Variants in TOM1 observed in about 807,000 individuals in gnomAD.
TOM1 encodes the protein target of Myb protein 1.
Under a neutral mutation model 61.3 loss-of-function variants are expected in TOM1, and 38 were observed. That is an observed-to-expected ratio of 0.62 (90% CI 0.48 to 0.81). The LOEUF is 0.81. Among genes scored for constraint, TOM1 ranks in the 40% least tolerant of loss-of-function variants. The pLI, the probability that TOM1 is intolerant of heterozygous loss-of-function variation, is 0.00. For synonymous variants in TOM1, 270 were observed against 268.8 expected, an observed-to-expected ratio of 1.00 and a Z score of -0.04; for missense variants, 591 against 659.6, an observed-to-expected ratio of 0.90 and a Z score of 1.14.
At chr22:35,299,515 A>G, upstream of TOM1, 1 of 179,102 alleles carries the variant, frequency 5.6e-6, no homozygotes, top group South Asian at 8.9e-5. Flanking sequence ...AGTCACAGTG[A>G]GGTCCCAAGG....
intron 7 of TOM1, among the ~76,000 whole-genome samples, chr22:35,328,686 G>A (rs545181950): frequency 7.9e-5 from 12 of 152,340 alleles, no homozygotes; most frequent in South Asian, 2.1e-4. Context: ...TGCTAAGGGC[G>A]ATGAGGAAAT....
At chr22:35,322,505 G>C (rs1005574316) in intron 3 of TOM1, 3 of 187,676 alleles carry the variant, frequency 1.6e-5, no homozygotes, top group African/African-American at 4.7e-5. Flanking sequence ...CCTCCTAGCC[G>C]TCAGCATGGG....
rs552063037 is a variant in TOM1, at chr22:35,313,455, T to A, written c.53-4422T>A. On this transcript the variant is annotated intron_variant, in intron 1 of 14. Transcript: ENST00000449058. ...TACTCATTCTTTCTCTTGGCCCAAG[T>A]CATAGTCATTGTAGCTCGGTTACTC... 2.0e-5 allele frequency among the ~76,000 whole-genome samples: 3 copies of A among 152,278 alleles called. No individual in the cohort carries two copies. The South Asian group carries it at 6.2e-4, about 32-fold the overall frequency.
At chr22:35,328,982 G>A (rs1257996087) in intron 7 of TOM1, among the ~76,000 whole-genome samples, 3 of 152,090 alleles carry the variant, frequency 2.0e-5, no homozygotes, top group African/African-American at 4.8e-5. Flanking sequence ...TTGAGACGGA[G>A]TCTTGCTCTG....
chr22:35,334,831 C>T (rs1236447904), intron 11 of TOM1, among the ~76,000 whole-genome samples: 5 of 134,978 alleles, frequency 3.7e-5, no homozygotes, highest in Non-Finnish European at 8.0e-5. Flanking sequence ...GTGTCTCCAC[C>T]CCCCGCCCCC....
intron 2 of TOM1, among the ~76,000 whole-genome samples, chr22:35,320,914 C>T (rs1026025864): frequency 4.2e-5 from 6 of 143,986 alleles, no homozygotes; most frequent in Non-Finnish European, 9.1e-5. Flanking sequence ...CCCAGGAGTT[C>T]CGGGCTACAG....
upstream of TOM1, chr22:35,299,299 A>T (rs1029468409): frequency 2.0e-5 from 3 of 152,314 alleles, no homozygotes; most frequent in Non-Finnish European, 4.4e-5. Context: ...TGGGCGCTAG[A>T]GGGAATTGCG....
At chr22:35,327,474 T>C in intron 7 of TOM1, 87 bp downstream of exon 7, 1 of 935,674 alleles carries the variant, frequency 1.1e-6, no homozygotes, top group Non-Finnish European at 1.7e-6. Flanking sequence ...ATGACAGTCT[T>C]CATGGCTTAC....
At chr22:35,306,181 A>T (rs138762) in intron 1 of TOM1, among the ~76,000 whole-genome samples, 78,097 of 151,874 alleles carry the variant, frequency 0.51, 22,910 homozygotes, top group Non-Finnish European at 0.65. Flanking sequence ...TATAAAGACC[A>T]TCTGTAGCTC....
At chr22:35,335,438 T>TA (rs1491452593) in intron 11 of TOM1, among the ~76,000 whole-genome samples, 1 of 152,190 alleles carries the variant, frequency 6.6e-6, no homozygotes, top group Non-Finnish European at 1.5e-5. Flanking sequence ...GGGCAGAGTC[T>TA]GTACTTTTAA....
rs751817721 is a variant in TOM1 at position 35,332,973 on chromosome 22, T to C, written c.900-8T>C. 5 of 1,614,170 alleles carry C rather than the reference T, an allele frequency of 3.1e-6. No homozygotes were observed. On this transcript the variant is annotated splice_region_variant and splice_polypyrimidine_tract_variant and intron_variant, in intron 8 of 14. Transcript: ENST00000449058. The stretch of plus-strand genomic sequence containing the variant: ...GTCTCCATAACTCGTGTCTTTTCTG[T>C]CTTGTAGGTTTGAACGGTTCCGAAC...
chr22:35,333,380 TC>T, intron 9 of TOM1, 23 bp from the exon 10 acceptor site: 1 of 1,608,334 alleles, frequency 6.2e-7, no homozygotes, highest in Non-Finnish European at 8.5e-7. Context: ...GCGGGGATGA[TC>T]AGGGCATCTC....
intron 2 of TOM1, among the ~76,000 whole-genome samples, chr22:35,318,488 T>A (rs1375658660): frequency 2.0e-5 from 3 of 152,226 alleles, no homozygotes; most frequent in Non-Finnish European, 4.4e-5. Context: ...TTTCTGGTGT[T>A]GGGGTCACGG....
intron 2 of TOM1, among the ~76,000 whole-genome samples, chr22:35,321,189 T>C (rs1927747010): frequency 6.6e-6 from 1 of 151,894 alleles, no homozygotes; most frequent in African/African-American, 2.4e-5. Flanking sequence ...ATCTCTATTT[T>C]TGTAATGAAA....
intron 7 of TOM1, among the ~76,000 whole-genome samples, chr22:35,328,394 C>A (rs1343326496): frequency 1.3e-5 from 2 of 152,216 alleles, no homozygotes; most frequent in Admixed American, 6.5e-5. Flanking sequence ...TTCCCGTGTC[C>A]CGGGCTATAT....
At chr22:35,327,125 C>T in intron 6 of TOM1, 146 bp from the exon 7 acceptor site, 2 of 725,990 alleles carry the variant, frequency 2.8e-6, no homozygotes, top group Non-Finnish European at 4.8e-6. Flanking sequence ...ACTTTGGGAG[C>T]CAGGAGGGAG....
At chr22:35,308,147 A>G (rs75529622) in intron 1 of TOM1, among the ~76,000 whole-genome samples, 1 of 152,252 alleles carries the variant, frequency 6.6e-6, no homozygotes, top group Non-Finnish European at 1.5e-5. Context: ...AGCTCACCCT[A>G]CAGATTTTCA....
Position 35,343,132 on chromosome 22 carries a change from ACAC to A in TOM1, c.1225-2592_1225-2590del, listed in dbSNP as rs561678384. Among the ~76,000 whole-genome samples, 417 of 117,262 alleles carry A rather than the reference ACAC, an allele frequency of 3.6e-3. 1 individual carries two copies. The highest frequency in any genetic ancestry group is 0.013 in the African/African-American group (375 of 29,684). 76.9% of individuals were successfully genotyped at this position (117,262 alleles called of 152,430 possible). ...ACACACACCCACACACACCACACAC[ACAC>A]ATCTACACCCACCACACACACCTCC... On this transcript the variant is annotated intron_variant, in intron 12 of 14. Transcript: ENST00000449058.
At chr22:35,308,275 CTTT>C (rs138770) in intron 1 of TOM1, among the ~76,000 whole-genome samples, 2 of 129,440 alleles carry the variant, frequency 1.5e-5, no homozygotes, top group African/African-American at 5.4e-5. Context: ...TTCCTTTTCT[CTTT>C]TTTTTTTTTT....
Sources: gnomAD v4.1 joint callset for allele counts (sites outside exome capture counted in the v4.1 genomes callset) on GRCh38, gnomAD v4.1.1 for gene constraint, MANE v1.5 for transcripts, NCBI Gene and HGNC (gene_info 2026-07-23, HGNC 2026-07-21) for gene names.